Variants in DZIP1L observed in about 807,000 individuals in gnomAD.
DZIP1L encodes the protein cilium assembly protein DZIP1L.
Under a neutral mutation model 88.7 loss-of-function variants are expected in DZIP1L, and 90 were observed. That is an observed-to-expected ratio of 1.02 (90% CI 0.86 to 1.21). DZIP1L has a LOEUF of 1.21. Ranked by LOEUF, DZIP1L falls within the 50% of genes most tolerant of loss-of-function variation. The probability of loss-of-function intolerance (pLI) is 0.00; values close to 1 mark genes in which losing one functional copy is unlikely to be tolerated. For synonymous variants in DZIP1L, 363 were observed against 372.1 expected, an observed-to-expected ratio of 0.98 and a Z score of 0.28; for missense variants, 932 against 955.8, an observed-to-expected ratio of 0.98 and a Z score of 0.33.
Position 138,062,959 on chromosome 3 carries a change from C to A in DZIP1L, c.2161G>T (p.Asp721Tyr), listed in dbSNP as rs1362196678. 6.2e-7 allele frequency: 1 copy of A among 1,614,046 alleles called. No homozygotes were observed. The highest frequency in any genetic ancestry group is 1.1e-5 in the South Asian group (1 of 91,056). The change falls in exon 16 of 16, where the codon GAC becomes TAC. Residue 721 changes from aspartate (D) to tyrosine (Y), a missense_variant. Physicochemically the swap from Asp to Tyr is radical, Grantham distance 160. Transcript: ENST00000327532. ...RKPQLSEDES[D>Y]LEISSLEDLP... ...TCTTCCAAGGAGGAGATCTCCAAGT[C>A]ACTCTCATCTTCAGAAAGCTGCAGG...
intron 1 of DZIP1L, among the ~76,000 whole-genome samples, chr3:138,110,582 T>C (rs2042601824): frequency 6.6e-6 from 1 of 152,114 alleles, no homozygotes; most frequent in Admixed American, 6.5e-5. Flanking sequence ...ATACACTTTG[T>C]CTGTTAGGGT....
intron 10 of DZIP1L, among the ~76,000 whole-genome samples, chr3:138,077,970 C>A (rs527555190): frequency 6.6e-5 from 10 of 152,204 alleles, no homozygotes; most frequent in Non-Finnish European, 1.0e-4. Flanking sequence ...ACCGGAGATT[C>A]TCCCTCTAAC....
chr3:138,113,679 G>A (rs956287053), intron 1 of DZIP1L, among the ~76,000 whole-genome samples: 1 of 152,196 alleles, frequency 6.6e-6, no homozygotes, highest in African/African-American at 2.4e-5. Flanking sequence ...TGCCACTGCA[G>A]AGCTTAGCCT....
chr3:138,068,432 G>T (rs745571285), intron 12 of DZIP1L, 65 bp from the exon 13 acceptor site: 9 of 1,284,454 alleles, frequency 7.0e-6, no homozygotes, highest in Admixed American at 5.5e-5. Context: ...CTAAGAGGAG[G>T]GAGAAAGTGG....
In DZIP1L at chr3:138,067,531, C is replaced by A. The variant is rs768478437; in HGVS notation, c.2002G>T (p.Gly668Ter). 2 of 1,598,892 alleles carry A rather than the reference C, an allele frequency of 1.3e-6. No individual in the cohort carries two copies. The highest frequency in any genetic ancestry group is 1.7e-6 in the Non-Finnish European group (2 of 1,173,876). Residue 668 changes from glycine to a stop codon, truncating the protein, a stop_gained and splice_region_variant, in exon 14 of 16, where the codon GGA becomes TGA. Coordinates refer to ENST00000327532, the MANE Select transcript of DZIP1L (RefSeq NM_173543.3). LOFTEE classifies it high-confidence loss of function. ...CACTCACCCAAAGGTGCCAGCTCAC[C>A]TGAGCCCTGGCCAGGGGGCTGGGCA... ...ENAQPPGQGS[G>*]TLVQSMVKNL... is the part of the protein sequence containing the mutation.
chr3:138,066,939 CCT>C (rs1008842029), intron 14 of DZIP1L, among the ~76,000 whole-genome samples: 1 of 152,168 alleles, frequency 6.6e-6, no homozygotes, highest in Admixed American at 6.5e-5. Context: ...CCTCCCCGCC[CCT>C]GTGGCTGGGG....
chr3:138,065,422 G>A (rs947862817), intron 14 of DZIP1L, among the ~76,000 whole-genome samples: 2 of 152,184 alleles, frequency 1.3e-5, no homozygotes, highest in African/African-American at 2.4e-5. Context: ...GATGTAGCAG[G>A]CACTGTTTCC....
At position 138,095,477 on chromosome 3, in the gene DZIP1L, A is replaced by G. The variant is rs572358263; in HGVS notation, c.587-494T>C. 1.2e-4 allele frequency among the ~76,000 whole-genome samples: 19 copies of G among 152,228 alleles called. No individual in the cohort carries two copies. In the South Asian group the frequency reaches 3.7e-3, roughly 30 times the overall value. Reference sequence around the variant, plus strand: ...TTAAGTTCACTTTTTTCAATAATGTAAGTGTATAGTTGTAAATTTCAGGCC... The same window carrying G: ...TTAAGTTCACTTTTTTCAATAATGTGAGTGTATAGTTGTAAATTTCAGGCC... On this transcript the variant is annotated intron_variant, in intron 3 of 15. Transcript: ENST00000327532.
At position 138,092,378 on chromosome 3, in the gene DZIP1L, G is replaced by A; in HGVS notation, c.870+5C>T. The stretch of plus-strand genomic sequence containing the variant: ...AAACTTTAAAAAGCCTTTTATGTTG[G>A]GTACCTCTTCTAGTGTAGAGTTCTG... On this transcript the variant is annotated splice_donor_5th_base_variant and intron_variant, in intron 5 of 15. Coordinates refer to ENST00000327532, the MANE Select transcript of DZIP1L (RefSeq NM_173543.3). The A allele has an allele frequency of 6.5e-7, 1 of 1,531,494 alleles. No homozygotes were observed. The highest frequency in any genetic ancestry group is 1.4e-5 in the African/African-American group (1 of 70,840). 94.9% of individuals were successfully genotyped at this position (1,531,494 alleles called of 1,614,324 possible). A position where few individuals can be genotyped will look rare whatever the true frequency, so the allele number is the denominator to read the frequency against.
chr3:138,079,615 G>A (rs1002761003), intron 10 of DZIP1L, among the ~76,000 whole-genome samples: 9 of 152,174 alleles, frequency 5.9e-5, no homozygotes, highest in South Asian at 4.1e-4. Flanking sequence ...AGCATGGAAC[G>A]ATAAATGAGA....
intron 3 of DZIP1L, among the ~76,000 whole-genome samples, chr3:138,096,204 A>G (rs1414153767): frequency 1.3e-5 from 2 of 152,218 alleles, no homozygotes; most frequent in Non-Finnish European, 2.9e-5. Flanking sequence ...CTGCCTGTGA[A>G]TAAAGAGGCC....
At chr3:138,083,360 T>G (rs573613109) in intron 8 of DZIP1L, among the ~76,000 whole-genome samples, 1 of 152,238 alleles carries the variant, frequency 6.6e-6, no homozygotes, top group Non-Finnish European at 1.5e-5. Context: ...GACTAGACAG[T>G]AACAGTGGGT....
In DZIP1L at chr3:138,103,472, G is replaced by A. The variant is rs146612729; in HGVS notation, c.500C>T (p.Thr167Met). The change falls in exon 2 of 16, where the codon ACG (threonine) becomes ATG (methionine). Residue 167 changes from threonine to methionine, a missense_variant and splice_region_variant. Thr to Met is a moderately conservative substitution (Grantham distance 81, BLOSUM62 -1). Coordinates refer to ENST00000327532, the MANE Select transcript of DZIP1L (RefSeq NM_173543.3). Reference protein sequence around the residue: ...LMQTGTHSYHTCHLCDKTFMN... With the variant: ...LMQTGTHSYHMCHLCDKTFMN... ...CCCTGCCTGGTGGAGATTCCTCACC[G>A]TGTGGTAGCTGTGGGTGCCTGTCTG... 2.1e-5 allele frequency: 33 copies of A among 1,596,178 alleles called. No individual in the cohort carries two copies. The highest frequency in any genetic ancestry group is 1.6e-4 in the South Asian group (14 of 89,620).
Position 138,062,987 on chromosome 3 carries a change from G to A in DZIP1L, c.2143-10C>T, listed in dbSNP as rs1296207525. ...TCTCATCTTCAGAAAGCTGCAGGGG[G>A]TAAAGGGGAGAAGAAAATGCATTTT... is the stretch of plus-strand genomic sequence containing the variant. On this transcript the variant is annotated splice_polypyrimidine_tract_variant and intron_variant, in intron 15 of 15. Coordinates refer to ENST00000327532, the MANE Select transcript of DZIP1L (RefSeq NM_173543.3). The A allele has an allele frequency of 1.9e-6, 3 of 1,613,344 alleles. No individual in the cohort carries two copies. Among genetic ancestry groups the A allele is most frequent in the Non-Finnish European group, 2.5e-6 (3 of 1,179,734 alleles).
intron 5 of DZIP1L, 117 bp downstream of exon 5, chr3:138,092,266 C>A: frequency 8.7e-7 from 1 of 1,153,202 alleles, no homozygotes; most frequent in Non-Finnish European, 1.2e-6. Context: ...TGATAACTGG[C>A]CTCACAGTGT....
chr3:138,080,493 G>C, intron 10 of DZIP1L, 74 bp downstream of exon 10: 1 of 1,536,538 alleles, frequency 6.5e-7, no homozygotes, highest in African/African-American at 1.4e-5. Context: ...GTTAAGTAGA[G>C]ACAAACTAAA....
intron 11 of DZIP1L, among the ~76,000 whole-genome samples, chr3:138,076,495 A>T (rs1347622759): frequency 6.6e-6 from 1 of 152,218 alleles, no homozygotes; most frequent in African/African-American, 2.4e-5. Flanking sequence ...CAATTGCAAA[A>T]ATGTGGAACC....
At chr3:138,103,041 C>G (rs887672084) in intron 2 of DZIP1L, 2 of 433,916 alleles carry the variant, frequency 4.6e-6, no homozygotes, top group Admixed American at 3.6e-5. Flanking sequence ...AGAGTTGTAT[C>G]CTTTATAACA....
rs546174985 is a variant in DZIP1L at position 138,094,949 on chromosome 3, C to G, written c.621G>C (p.Glu207Asp). The change falls in exon 4 of 16, where the codon GAG (glutamate) becomes GAC (aspartate). Residue 207 changes from glutamate (E) to aspartate (D), a missense_variant. Transcript: ENST00000327532. The part of the protein sequence containing the change: ...KQKKQEQPVE[E>D]VLEELRAKLK... ...GCTTGGCCCGTAGCTCTTCTAACACCTCTTCCACTGGCTGTTCCTGTTTCT... is the reference window on the plus strand; with the variant it reads ...GCTTGGCCCGTAGCTCTTCTAACACGTCTTCCACTGGCTGTTCCTGTTTCT... The G allele has an allele frequency of 1.2e-5, 20 of 1,614,170 alleles. No homozygotes were observed. The highest frequency in any genetic ancestry group is 1.6e-5 in the Non-Finnish European group (19 of 1,180,068).
Sources: gnomAD v4.1 joint callset for allele counts (sites outside exome capture counted in the v4.1 genomes callset) on GRCh38, gnomAD v4.1.1 for gene constraint, MANE v1.5 for transcripts, NCBI Gene and HGNC (gene_info 2026-07-23, HGNC 2026-07-21) for gene names.